EPHB1: variants seen among roughly 807,000 people sequenced by gnomAD.
EPHB1 encodes the protein EPH receptor B1.
EPHB1 carries 30 observed loss-of-function variants against 94.4 expected under a neutral mutation model. The ratio of observed to expected loss-of-function variants is 0.32; its 90% CI spans 0.24 to 0.43. The LOEUF is 0.43. Among genes scored for constraint, EPHB1 ranks in the 20% least tolerant of loss-of-function variants. EPHB1 has a pLI of 1.00. For missense variants in EPHB1, 1,055 were observed against 1,308.3 expected, an observed-to-expected ratio of 0.81 and a Z score of 2.99; for synonymous variants, 522 against 489.1, an observed-to-expected ratio of 1.07 and a Z score of -0.89.
chr3:135,195,301 C>G (rs184897375), intron 11 of EPHB1, among the ~76,000 whole-genome samples: 106 of 152,150 alleles, frequency 7.0e-4, no homozygotes, highest in Non-Finnish European at 7.5e-4. Flanking sequence ...AAACCCCACA[C>G]TGCTGCTCTT....
At chr3:135,007,427 C>T (rs1249496364) in intron 3 of EPHB1, among the ~76,000 whole-genome samples, 4 of 152,152 alleles carry the variant, frequency 2.6e-5, no homozygotes, top group African/African-American at 9.7e-5. Flanking sequence ...AAAAATAAAG[C>T]CCGAAATAAT....
intron 12 of EPHB1, among the ~76,000 whole-genome samples, chr3:135,210,963 G>A (rs1184115973): frequency 1.3e-5 from 2 of 152,158 alleles, no homozygotes; most frequent in African/African-American, 4.8e-5. Flanking sequence ...GAGACGCGGT[G>A]GTATTGCATC....
chr3:135,200,394 T>C (rs1389235970), intron 11 of EPHB1, among the ~76,000 whole-genome samples: 1 of 151,940 alleles, frequency 6.6e-6, no homozygotes, highest in Non-Finnish European at 1.5e-5. Flanking sequence ...ACAGCTCCCA[T>C]TCACTAGGAG....
intron 1 of EPHB1, among the ~76,000 whole-genome samples, chr3:134,830,491 G>A (rs1021052526): frequency 3.4e-4 from 52 of 152,236 alleles, no homozygotes; most frequent in Non-Finnish European, 4.3e-4. Context: ...GGATGGTGGG[G>A]GAGTTTTGCA....
intron 3 of EPHB1, among the ~76,000 whole-genome samples, chr3:134,958,095 C>T: frequency 6.6e-6 from 1 of 152,106 alleles, no homozygotes; most frequent in East Asian, 1.9e-4. Flanking sequence ...CAAGTGGGGA[C>T]TTTTTTCTTT....
At chr3:135,147,387 T>G (rs1275654929) in intron 5 of EPHB1, among the ~76,000 whole-genome samples, 2 of 152,226 alleles carry the variant, frequency 1.3e-5, no homozygotes, top group Non-Finnish European at 2.9e-5. Flanking sequence ...CAGAAACTTG[T>G]GTATGAATGT....
At chr3:134,821,259 G>T (rs1047202979) in intron 1 of EPHB1, among the ~76,000 whole-genome samples, 4 of 152,190 alleles carry the variant, frequency 2.6e-5, no homozygotes, top group African/African-American at 9.7e-5. Flanking sequence ...TCCATTCATT[G>T]AAATGTTAGT....
At chr3:135,253,388 T>C (rs1415071469) in intron 15 of EPHB1, among the ~76,000 whole-genome samples, 24 of 148,314 alleles carry the variant, frequency 1.6e-4, no homozygotes, top group African/African-American at 5.5e-4. Flanking sequence ...TTAATTTTTG[T>C]ATAAGGTGTA....
At position 134,950,101 on chromosome 3, in the gene EPHB1, A is replaced by T. The variant is rs1460839869; in HGVS notation, c.124-1270A>T. On this transcript the variant is annotated intron_variant, in intron 2 of 15. Transcript: ENST00000398015. ...TGGGTGAGTTGCATGATGTCTTTTC[A>T]TCTGTAAATTGGGGATAATAATACC... 5.9e-5 allele frequency among the ~76,000 whole-genome samples: 9 copies of T among 152,330 alleles called. No individual in the cohort carries two copies. In the East Asian group the frequency reaches 1.5e-3, roughly 26 times the overall value.
Position 134,951,923 on chromosome 3 carries a change from A to T in EPHB1, c.676A>T (p.Ile226Phe). ...TCTGGTGATTGCTCGGGGCACATGC[A>T]TCCCCAACGCAGAGGAAGTGGACGT... is the stretch of plus-strand genomic sequence containing the variant. ...TSLVIARGTC[I>F]PNAEEVDVPI... The change falls in exon 3 of 16, where the codon ATC becomes TTC. Residue 226 changes from isoleucine to phenylalanine, a missense_variant. Ile to Phe is a conservative substitution (Grantham distance 21, BLOSUM62 0). Coordinates refer to ENST00000398015, the MANE Select transcript of EPHB1 (RefSeq NM_004441.5). The surrounding 1 kb of genome is among the most constrained non-coding windows in gnomAD (Gnocchi z 4.5). 1 of 1,614,048 alleles carries T rather than the reference A, an allele frequency of 6.2e-7. No individual in the cohort carries two copies. Among genetic ancestry groups the T allele is most frequent in the Non-Finnish European group, 8.5e-7 (1 of 1,179,906 alleles).
intron 1 of EPHB1, among the ~76,000 whole-genome samples, chr3:134,804,457 A>G (rs2035997818): frequency 6.6e-6 from 1 of 152,164 alleles, no homozygotes; most frequent in African/African-American, 2.4e-5. Flanking sequence ...GTGGGGACAC[A>G]GCTAATCCAT....
At chr3:134,891,259 G>T (rs539866544) in intron 1 of EPHB1, among the ~76,000 whole-genome samples, 1 of 152,078 alleles carries the variant, frequency 6.6e-6, no homozygotes, top group South Asian at 2.1e-4. Flanking sequence ...ATAGGCATGC[G>T]CCACCATGCC....
intron 1 of EPHB1, among the ~76,000 whole-genome samples, chr3:134,885,900 GA>G (rs2037853524): frequency 6.6e-6 from 1 of 152,170 alleles, no homozygotes; most frequent in African/African-American, 2.4e-5. Flanking sequence ...GCATGAGAGA[GA>G]GCACAGGTGC....
intron 4 of EPHB1, among the ~76,000 whole-genome samples, chr3:135,110,783 G>T (rs532309356): frequency 1.3e-5 from 2 of 152,248 alleles, no homozygotes; most frequent in East Asian, 3.9e-4. Context: ...GCATAGTCTG[G>T]TTTCTCTCCT....
intron 2 of EPHB1, among the ~76,000 whole-genome samples, chr3:134,928,905 G>A (rs1193371813): frequency 6.6e-6 from 1 of 152,088 alleles, no homozygotes; most frequent in Non-Finnish European, 1.5e-5. Context: ...GTGTGTCAGG[G>A]AGGAGGGCAC....
At chr3:135,146,927 G>A (rs1197017689) in intron 5 of EPHB1, among the ~76,000 whole-genome samples, 1 of 152,168 alleles carries the variant, frequency 6.6e-6, no homozygotes, top group Non-Finnish European at 1.5e-5. Flanking sequence ...GTTGAAAGGA[G>A]CAAGAGACCA....
In EPHB1 at chr3:134,911,066, C is replaced by T. The variant is rs143869332; in HGVS notation, c.59-14750C>T. ...GGACAGACTCAGTGGCTTAAGTTAT[C>T]GGGGAGGCCACCTGGAGGAAAAGGG... On this transcript the variant is annotated intron_variant, in intron 1 of 15. Transcript: ENST00000398015. 4.6e-4 allele frequency among the ~76,000 whole-genome samples: 70 copies of T among 152,356 alleles called. 1 individual carries two copies. In the East Asian group the frequency reaches 9.6e-3, roughly 21 times the overall value.
intron 1 of EPHB1, among the ~76,000 whole-genome samples, chr3:134,907,911 G>C (rs1310481030): frequency 2.0e-5 from 3 of 152,238 alleles, no homozygotes; most frequent in Middle Eastern, 3.4e-3. Flanking sequence ...TCCCCTCTCC[G>C]GGCCTCCAAC....
At chr3:135,039,625 C>T (rs372206198) in intron 3 of EPHB1, among the ~76,000 whole-genome samples, 44 of 152,338 alleles carry the variant, frequency 2.9e-4, no homozygotes, top group East Asian at 7.7e-4. Context: ...GCCAGTGGGC[C>T]GGCACTGCTG....
Sources: gnomAD v4.1 joint callset for allele counts (sites outside exome capture counted in the v4.1 genomes callset) on GRCh38, gnomAD v4.1.1 for gene constraint, Gnocchi (gnomAD v3.1) non-coding constraint, MANE v1.5 for transcripts, NCBI Gene and HGNC (gene_info 2026-07-23, HGNC 2026-07-21) for gene names.